Variants in SNX18 observed in about 807,000 individuals in gnomAD.
SNX18 encodes sorting nexin-18.
A neutral mutation model predicts 48.7 loss-of-function variants in SNX18; 35 were observed. The observed-to-expected ratio is 0.72, with a 90% CI of 0.55 to 0.95. The LOEUF (loss-of-function observed/expected upper bound fraction) is 0.95. SNX18 is among the 40% of genes least tolerant of loss of function. The pLI is 0.00. For synonymous variants in SNX18, 492 were observed against 384.7 expected (o/e 1.28, Z -3.26); for missense variants, 824 against 871.0 (o/e 0.95, Z 0.68).
At chr5:54,558,513 G>C in the SNX18 span, among the ~76,000 whole-genome samples, 1 of 152,140 alleles carries the variant, frequency 6.6e-6, no homozygotes. Context: ...CTATTCAGAG[G>C]GCTGGGAAAG....
At chr5:54,541,920 G>A (rs909689705) in intron 1 of SNX18, among the ~76,000 whole-genome samples, 1 of 151,968 alleles carries the variant, frequency 6.6e-6, no homozygotes, top group Admixed American at 6.6e-5. Context: ...TTTCACTATT[G>A]GGCAAAACAA....
the SNX18 span, among the ~76,000 whole-genome samples, chr5:54,632,990 G>A: frequency 3.3e-5 from 5 of 151,992 alleles, no homozygotes; most frequent in African/African-American, 1.2e-4. Context: ...GGCCAGGATG[G>A]TCTCGATCTC....
the SNX18 span, among the ~76,000 whole-genome samples, chr5:54,582,155 T>A: frequency 1.3e-5 from 2 of 152,362 alleles, no homozygotes; most frequent in South Asian, 4.1e-4. Context: ...AAACTCTGTT[T>A]TCCTTTGAAG....
chr5:54,575,792 T>G, the SNX18 span, among the ~76,000 whole-genome samples: 1 of 152,174 alleles, frequency 6.6e-6, no homozygotes, highest in Non-Finnish European at 1.5e-5. Flanking sequence ...TCTGTACAGA[T>G]AAGCTTACTA....
the SNX18 span, among the ~76,000 whole-genome samples, chr5:54,562,683 G>A: frequency 1.3e-5 from 2 of 152,176 alleles, no homozygotes; most frequent in Non-Finnish European, 2.9e-5. Flanking sequence ...CTTAATAAAT[G>A]ACTATGTTTA....
chr5:54,527,189 C>T (rs1762147347), intron 1 of SNX18, among the ~76,000 whole-genome samples: 1 of 151,986 alleles, frequency 6.6e-6, no homozygotes, highest in Non-Finnish European at 1.5e-5. Context: ...GTATGACATC[C>T]AACTGGACAT....
chr5:54,542,731 C>G (rs1179910487), intron 1 of SNX18, among the ~76,000 whole-genome samples: 1 of 152,174 alleles, frequency 6.6e-6, no homozygotes, highest in Non-Finnish European at 1.5e-5. Flanking sequence ...GTGAGACTTT[C>G]TGAGGAAGTG....
chr5:54,537,396 A>G (rs1470028498), intron 1 of SNX18, among the ~76,000 whole-genome samples: 1 of 152,238 alleles, frequency 6.6e-6, no homozygotes, highest in African/African-American at 2.4e-5. Flanking sequence ...ATAAAATCGT[A>G]ATATGCTCAT....
At chr5:54,591,405 G>A in the SNX18 span, among the ~76,000 whole-genome samples, 1 of 152,140 alleles carries the variant, frequency 6.6e-6, no homozygotes, top group South Asian at 2.1e-4. Flanking sequence ...TGCCCAGGCT[G>A]GTCTCGAACT....
chr5:54,605,300 G>A, the SNX18 span, among the ~76,000 whole-genome samples: 1 of 152,112 alleles, frequency 6.6e-6, no homozygotes, highest in Non-Finnish European at 1.5e-5. Flanking sequence ...TTCATGGGGA[G>A]GAAAGCTAGC....
Position 54,544,319 on chromosome 5 carries a change from G to A in SNX18, c.*887G>A, listed in dbSNP as rs917917674. Reference sequence around the variant, plus strand: ...CAGGGGATAAAAGTATCGAATCATTGACAACACACACTTGGCTTTAGTTCT... The same window carrying A: ...CAGGGGATAAAAGTATCGAATCATTAACAACACACACTTGGCTTTAGTTCT... On this transcript the variant is annotated 3_prime_UTR_variant, in exon 2 of 2. Transcript: ENST00000381410. 2 of 152,018 alleles carry A rather than the reference G, an allele frequency of 1.3e-5. No individual in the cohort carries two copies. The highest frequency in any genetic ancestry group is 4.8e-5 in the African/African-American group (2 of 41,364). The allele number at this position is 152,018 out of a possible 1,614,324, so 9.4% of individuals were successfully genotyped here.
the SNX18 span, among the ~76,000 whole-genome samples, chr5:54,628,585 G>C: frequency 6.6e-6 from 1 of 152,114 alleles, no homozygotes; most frequent in Non-Finnish European, 1.5e-5. Flanking sequence ...TATTACAATG[G>C]GGTGTGTCCC....
At chr5:54,533,782 T>G (rs988440234) in intron 1 of SNX18, among the ~76,000 whole-genome samples, 1 of 152,206 alleles carries the variant, frequency 6.6e-6, no homozygotes, top group Admixed American at 6.5e-5. Context: ...GTTCTCTATT[T>G]TAAGTGGATG....
At chr5:54,588,558 A>G in the SNX18 span, among the ~76,000 whole-genome samples, 2 of 151,930 alleles carry the variant, frequency 1.3e-5, no homozygotes. Context: ...CGATCTCCTG[A>G]CCTCATGATC....
Position 54,546,433 on chromosome 5 carries a change from T to C in SNX18, c.*3001T>C, listed in dbSNP as rs1438876846. On this transcript the variant is annotated 3_prime_UTR_variant, in exon 2 of 2. Coordinates refer to ENST00000381410, the MANE Select transcript of SNX18 (RefSeq NM_001102575.2). Reference sequence around the variant, plus strand: ...AGCATTCAATTTTCTCATTTCCACCTTCATCTTTGGTTAACAGAATAAGTA... The same window carrying C: ...AGCATTCAATTTTCTCATTTCCACCCTCATCTTTGGTTAACAGAATAAGTA... 1 of 152,226 alleles carries C rather than the reference T, an allele frequency of 6.6e-6. No homozygotes were observed. Among genetic ancestry groups the C allele is most frequent in the Non-Finnish European group, 1.5e-5 (1 of 68,030 alleles). 9.4% of individuals were successfully genotyped at this position (152,226 alleles called of 1,614,324 possible).
the SNX18 span, among the ~76,000 whole-genome samples, chr5:54,572,265 T>C: frequency 6.6e-6 from 1 of 152,144 alleles, no homozygotes; most frequent in Non-Finnish European, 1.5e-5. Flanking sequence ...GCTTGGAACA[T>C]AGACTTGACG....
intron 1 of SNX18, among the ~76,000 whole-genome samples, chr5:54,537,467 A>G (rs1177102881): frequency 6.6e-6 from 1 of 152,218 alleles, no homozygotes; most frequent in Non-Finnish European, 1.5e-5. Flanking sequence ...TTGTCGTTGG[A>G]AAATGTTTTT....
chr5:54,589,647 C>T, the SNX18 span, among the ~76,000 whole-genome samples: 2 of 152,188 alleles, frequency 1.3e-5, no homozygotes, highest in South Asian at 2.1e-4. Flanking sequence ...GCCCAACAGG[C>T]CGTGAGCTTG....
At chr5:54,629,584 G>A in the SNX18 span, among the ~76,000 whole-genome samples, 40 of 152,300 alleles carry the variant, frequency 2.6e-4, no homozygotes, top group Admixed American at 2.2e-3. Context: ...CTACTATGGC[G>A]TGAATATTAT....
Sources: allele counts gnomAD v4.1 joint callset (sites outside exome capture counted in the v4.1 genomes callset), GRCh38; gene constraint gnomAD v4.1.1; transcripts MANE v1.5; gene names NCBI Gene and HGNC (gene_info 2026-07-23, HGNC 2026-07-21).